NEURL1B: variants seen among roughly 807,000 people sequenced by gnomAD.
NEURL1B encodes the protein E3 ubiquitin-protein ligase NEURL1B.
A neutral mutation model predicts 37.4 loss-of-function variants in NEURL1B; 13 were observed. That is an observed-to-expected ratio of 0.35 (90% CI 0.23 to 0.55). The LOEUF (loss-of-function observed/expected upper bound fraction) is 0.55. NEURL1B is among the 20% of genes least tolerant of loss of function. The probability of loss-of-function intolerance (pLI) is 0.89; values close to 1 mark genes in which losing one functional copy is unlikely to be tolerated. For missense variants in NEURL1B, 790 were observed against 879.2 expected, an observed-to-expected ratio of 0.90 and a Z score of 1.28; for synonymous variants, 432 against 426.6, an observed-to-expected ratio of 1.01 and a Z score of -0.16.
chr5:172,680,428 A>C (rs1758327361), intron 2 of NEURL1B, among the ~76,000 whole-genome samples: 3 of 152,114 alleles, frequency 2.0e-5, no homozygotes, highest in African/African-American at 7.2e-5. Flanking sequence ...GCGGGGGGGA[A>C]GGAGCAGGGC....
Position 172,683,706 on chromosome 5 carries a change from G to A in NEURL1B, c.865G>A (p.Asp289Asn). Residue 289 changes from aspartate to asparagine, a missense_variant, in exon 3 of 5, where the codon GAC becomes AAC. Coordinates refer to ENST00000369800, the MANE Select transcript of NEURL1B (RefSeq NM_001142651.3). This position sits in a 1 kb window ranked among gnomAD's most constrained non-coding sequence, Gnocchi z 5.6. ...DLRFHATRGP[D>N]VSLSADRKVA... ...GCGCTTCCACGCAACACGCGGGCCC[G>A]ACGTGAGCCTGTCGGCCGACCGCAA... 3 of 1,357,778 alleles carry A rather than the reference G, an allele frequency of 2.2e-6. No homozygotes were observed. Among genetic ancestry groups the A allele is most frequent in the Non-Finnish European group, 2.9e-6 (3 of 1,047,522 alleles). 84.1% of individuals were successfully genotyped at this position (1,357,778 alleles called of 1,614,324 possible). A position where few individuals can be genotyped will look rare whatever the true frequency, so the allele number is the denominator to read the frequency against.
rs1415734855 is a variant in NEURL1B, at chr5:172,688,919, A to T, written c.*1994A>T. 2.0e-5 allele frequency: 3 copies of T among 152,220 alleles called. No homozygotes were observed. Among genetic ancestry groups the T allele is most frequent in the African/African-American group, 7.2e-5 (3 of 41,448 alleles). The allele number at this position is 152,220 out of a possible 1,614,324, so 9.4% of individuals were successfully genotyped here. On this transcript the variant is annotated 3_prime_UTR_variant, in exon 5 of 5. Transcript: ENST00000369800. The surrounding 1 kb of genome is among the most constrained non-coding windows in gnomAD (Gnocchi z 4.3). ...TGCTGCAGACAACCGTCTCCTGTCT[A>T]CACTGCGACCCAGCCACAAGCTGTG...
At position 172,656,727 on chromosome 5, in the gene NEURL1B, G is replaced by T. The variant is rs1027513526; in HGVS notation, c.32-13058G>T. 6.8e-6 allele frequency: 7 copies of T among 1,028,142 alleles called. No individual in the cohort carries two copies. In the African/African-American group the frequency reaches 7.9e-5, roughly 12 times the overall value. The allele number at this position is 1,028,142 out of a possible 1,614,324, so 63.7% of individuals were successfully genotyped here. A position where few individuals can be genotyped will look rare whatever the true frequency, so the allele number is the denominator to read the frequency against. On this transcript the variant is annotated intron_variant, in intron 1 of 4. Coordinates refer to ENST00000369800, the MANE Select transcript of NEURL1B (RefSeq NM_001142651.3). Reference sequence around the variant, plus strand: ...GCGGCCGGACATGGCGCCTGCCGCCGCTTCCCCAGAAGTTAAGTTTAAAAG... The same window carrying T: ...GCGGCCGGACATGGCGCCTGCCGCCTCTTCCCCAGAAGTTAAGTTTAAAAG...
chr5:172,685,285 G>A (rs1039654900), intron 3 of NEURL1B, among the ~76,000 whole-genome samples: 3 of 152,204 alleles, frequency 2.0e-5, no homozygotes, highest in African/African-American at 7.2e-5. Flanking sequence ...CAGAGGAGGA[G>A]CCGGGTGGCA....
At position 172,689,735 on chromosome 5, in the gene NEURL1B, TGA is replaced by T. The variant is rs1035487887; in HGVS notation, c.*2812_*2813del. On this transcript the variant is annotated 3_prime_UTR_variant, in exon 5 of 5. Transcript: ENST00000369800. ...CCAAGTCCCAGGAAGCTCGAGACTG[TGA>T]GTTTTCTCCCTTGAAACTCACCTGG... 4 of 152,206 alleles carry T rather than the reference TGA, an allele frequency of 2.6e-5. No homozygotes were observed. The highest frequency in any genetic ancestry group is 9.6e-5 in the African/African-American group (4 of 41,454). The allele number at this position is 152,206 out of a possible 1,614,324, so 9.4% of individuals were successfully genotyped here.
At chr5:172,685,846 T>C (rs1236320262) in intron 3 of NEURL1B, among the ~76,000 whole-genome samples, 1 of 152,218 alleles carries the variant, frequency 6.6e-6, no homozygotes, top group Non-Finnish European at 1.5e-5. Flanking sequence ...ACGGGGGTTA[T>C]GTGCCCTTTC....
chr5:172,650,827 A>C (rs1757649631), intron 1 of NEURL1B, among the ~76,000 whole-genome samples: 1 of 152,238 alleles, frequency 6.6e-6, no homozygotes, highest in Non-Finnish European at 1.5e-5. Context: ...ATTAGACCGC[A>C]CAGGCTAAAC....
chr5:172,663,540 A>AGC (rs1757944757), intron 1 of NEURL1B, among the ~76,000 whole-genome samples: 2 of 146,872 alleles, frequency 1.4e-5, no homozygotes, highest in Admixed American at 6.8e-5. Flanking sequence ...AAAAAAAAAA[A>AGC]AAGCCATGGG....
intron 2 of NEURL1B, among the ~76,000 whole-genome samples, chr5:172,674,524 C>A (rs1049595959): frequency 6.6e-6 from 1 of 152,116 alleles, no homozygotes; most frequent in Non-Finnish European, 1.5e-5. Context: ...ATTTAGTTCG[C>A]ATTGTGCTCA....
rs1757986279 is a variant in NEURL1B, at chr5:172,665,178, T to C, written c.32-4607T>C. Among the ~76,000 whole-genome samples, 1 of 152,328 alleles carries C rather than the reference T, an allele frequency of 6.6e-6. No individual in the cohort carries two copies. Among genetic ancestry groups the C allele is most frequent in the African/African-American group, 2.4e-5 (1 of 41,568 alleles). On this transcript the variant is annotated intron_variant, in intron 1 of 4. Transcript: ENST00000369800. This position sits in a 1 kb window ranked among gnomAD's most constrained non-coding sequence, Gnocchi z 4.1. ...GGACGCTGGTGCTCAGAAGGGCTTT[T>C]GATATGTGGTCATATTTAATGTTTC... is the stretch of plus-strand genomic sequence containing the variant.
At position 172,669,995 on chromosome 5, in the gene NEURL1B, A is replaced by C; in HGVS notation, c.242A>C (p.Gln81Pro). The C allele has an allele frequency of 2.0e-6, 3 of 1,477,240 alleles. No homozygotes were observed. Among genetic ancestry groups the C allele is most frequent in the Non-Finnish European group, 2.7e-6 (3 of 1,119,746 alleles). 91.5% of individuals were successfully genotyped at this position (1,477,240 alleles called of 1,614,324 possible). Residue 81 changes from glutamine (Q) to proline (P), a missense_variant, in exon 2 of 5, where the codon CAG (glutamine) becomes CCG (proline). Transcript: ENST00000369800. Reference sequence around the variant, plus strand: ...CAGCGGCCCATCCGGCTGTACGAGCAGGTGCGGCTGCGCCTGGTGGCCGTG... The same window carrying C: ...CAGCGGCCCATCCGGCTGTACGAGCCGGTGCGGCTGCGCCTGGTGGCCGTG... ...FTQRPIRLYE[Q>P]VRLRLVAVRP... is the part of the protein sequence containing the mutation.
rs1284405585 is a variant in NEURL1B at position 172,670,152 on chromosome 5, G to A, written c.399G>A (p.Leu133=). The change falls in exon 2 of 5, where the codon CTG becomes CTA. Residue 133 remains leucine (L), a synonymous_variant. Coordinates refer to ENST00000369800, the MANE Select transcript of NEURL1B (RefSeq NM_001142651.3). ...VTRPGYWAKA[L]PENLALRDTV... Reference sequence around the variant, plus strand: ...GGCCGGGCTACTGGGCCAAGGCACTGCCCGAGAACCTGGCGCTGCGCGACA... The same window carrying A: ...GGCCGGGCTACTGGGCCAAGGCACTACCCGAGAACCTGGCGCTGCGCGACA... 5 of 1,501,244 alleles carry A rather than the reference G, an allele frequency of 3.3e-6. No homozygotes were observed. The African/African-American group carries it at 7.2e-5, about 21-fold the overall frequency. 93.0% of individuals were successfully genotyped at this position (1,501,244 alleles called of 1,614,324 possible).
chr5:172,675,817 T>C lies in NEURL1B; in HGVS notation c.577+5487T>C, dbSNP rs13359269. Among the ~76,000 whole-genome samples the C allele has an allele frequency of 0.07, 10,735 of 152,298 alleles. 441 individuals are homozygous for C. The highest frequency in any genetic ancestry group is 0.12 in the South Asian group (569 of 4,824). On this transcript the variant is annotated intron_variant, in intron 2 of 4. Transcript: ENST00000369800. This position sits in a 1 kb window ranked among gnomAD's most constrained non-coding sequence, Gnocchi z 4.7. ...TGTTGATGATTCTAGATTAGTGTTT[T>C]TTCATGTTTTGTGCCCAAAAACTTC... is the stretch of plus-strand genomic sequence containing the variant.
At chr5:172,670,771 A>C (rs1389554684) in intron 2 of NEURL1B, among the ~76,000 whole-genome samples, 1 of 152,090 alleles carries the variant, frequency 6.6e-6, no homozygotes, top group African/African-American at 2.4e-5. Flanking sequence ...ATTCATTCAC[A>C]CGCTTCCATT....
In NEURL1B at chr5:172,675,384, A is replaced by G. The variant is rs1758214733; in HGVS notation, c.577+5054A>G. Among the ~76,000 whole-genome samples the G allele has an allele frequency of 6.6e-6, 1 of 151,922 alleles. No homozygotes were observed. The highest frequency in any genetic ancestry group is 2.4e-5 in the African/African-American group (1 of 41,418). ...ACGACCAATCCCCCAAGCCACACAC[A>G]CAGACAGTACTGTAGGGTGCATTGT... On this transcript the variant is annotated intron_variant, in intron 2 of 4. Transcript: ENST00000369800. This position sits in a 1 kb window ranked among gnomAD's most constrained non-coding sequence, Gnocchi z 4.7.
At position 172,686,779 on chromosome 5, in the gene NEURL1B, G is replaced by A. The variant is rs746108858; in HGVS notation, c.1522G>A (p.Asp508Asn). The A allele has an allele frequency of 1.3e-6, 2 of 1,551,578 alleles. No homozygotes were observed. Among genetic ancestry groups the A allele is most frequent in the Non-Finnish European group, 1.7e-6 (2 of 1,147,184 alleles). The change falls in exon 5 of 5, where the codon GAT becomes AAT. Residue 508 changes from aspartate to asparagine, a missense_variant. Around this residue, in one of 3 missense-constraint regions of NEURL1B, gnomAD observed 115 missense variants for 162.6 expected, o/e 0.71. Coordinates refer to ENST00000369800, the MANE Select transcript of NEURL1B (RefSeq NM_001142651.3). This position sits in a 1 kb window ranked among gnomAD's most constrained non-coding sequence, Gnocchi z 7.9. ...IKNGECTVCF[D>N]GEVDTVIYTC... ...GAATGGCGAGTGCACGGTGTGCTTCGATGGCGAGGTGGACACGGTCATCTA... is the reference window on the plus strand; with the variant it reads ...GAATGGCGAGTGCACGGTGTGCTTCAATGGCGAGGTGGACACGGTCATCTA...
intron 1 of NEURL1B, among the ~76,000 whole-genome samples, chr5:172,652,281 T>C (rs1355762646): frequency 2.0e-5 from 3 of 152,232 alleles, no homozygotes; most frequent in Non-Finnish European, 4.4e-5. Flanking sequence ...AGAGCTACCA[T>C]GCAGGCCACA....
chr5:172,684,780 A>G (rs1382271178), intron 3 of NEURL1B, among the ~76,000 whole-genome samples: 2 of 152,202 alleles, frequency 1.3e-5, no homozygotes, highest in Non-Finnish European at 2.9e-5. Context: ...CATGCCGGTT[A>G]GGAGCTCACA....
At chr5:172,649,210 A>G (rs562257399) in intron 1 of NEURL1B, among the ~76,000 whole-genome samples, 2 of 152,268 alleles carry the variant, frequency 1.3e-5, no homozygotes, top group East Asian at 1.9e-4. Context: ...GGGACTTGAC[A>G]TGGTTCTTGC....
Sources: gnomAD v4.1 joint callset for allele counts (sites outside exome capture counted in the v4.1 genomes callset) on GRCh38, gnomAD v4.1.1 for gene constraint, gnomAD v4.1.1 regional missense constraint, Gnocchi (gnomAD v3.1) non-coding constraint, MANE v1.5 for transcripts, NCBI Gene and HGNC (gene_info 2026-07-23, HGNC 2026-07-21) for gene names.